Variants in TBL1XR1 observed in about 807,000 individuals in gnomAD.
The protein encoded by TBL1XR1 is F-box-like/WD repeat-containing protein TBL1XR1.
A neutral mutation model predicts 66.9 loss-of-function variants in TBL1XR1; 5 were observed. The observed-to-expected ratio is 0.07, with a 90% CI of 0.04 to 0.16. The LOEUF (loss-of-function observed/expected upper bound fraction) is 0.16, where lower values mean the gene tolerates loss of function less well. Among genes scored for constraint, TBL1XR1 ranks in the 10% least tolerant of loss-of-function variants. The pLI is 1.00. For synonymous variants in TBL1XR1, 210 were observed against 206.0 expected (o/e 1.02, Z -0.17); for missense variants, 238 against 623.2 (o/e 0.38, Z 6.58).
rs553273687 is a variant in TBL1XR1 at position 177,118,393 on chromosome 3, C to T, written c.-121-19852G>A. On this transcript the variant is annotated intron_variant, in intron 1 of 15. Transcript: ENST00000457928. ...TGACTCAAAATGACCTAATGAGGCC[C>T]TTTTCTCATCAAAGCTAAAAGTGTG... 2.0e-5 allele frequency among the ~76,000 whole-genome samples: 3 copies of T among 152,220 alleles called. No individual in the cohort carries two copies. The East Asian group carries it at 5.8e-4, about 29-fold the overall frequency.
chr3:177,111,101 CAGG>C (rs917356553), intron 1 of TBL1XR1, among the ~76,000 whole-genome samples: 5 of 151,978 alleles, frequency 3.3e-5, no homozygotes, highest in Non-Finnish European at 7.4e-5. Flanking sequence ...AGGCACACAA[CAGG>C]AGGACATGCA....
intron 1 of TBL1XR1, among the ~76,000 whole-genome samples, chr3:177,152,119 T>G (rs965750084): frequency 6.6e-6 from 1 of 152,230 alleles, no homozygotes; most frequent in African/African-American, 2.4e-5. Flanking sequence ...TAACTATGAT[T>G]ATAGCAAATT....
chr3:177,026,260 ATC>A, intron 15 of TBL1XR1, 111 bp downstream of exon 15: 1 of 848,378 alleles, frequency 1.2e-6, no homozygotes, highest in Middle Eastern at 2.7e-4. Context: ...AAAAATCAGT[ATC>A]ATACCTTAAA....
At position 177,190,133 on chromosome 3, in the gene TBL1XR1, CAAAAAA is replaced by C. The variant is rs548783302; in HGVS notation, c.-122+6982_-122+6987del. On this transcript the variant is annotated intron_variant, in intron 1 of 15. Transcript: ENST00000457928. Reference sequence around the variant, plus strand: ...GGGCAACAAGAGTGAAACTCCATCTCAAAAAAAAAAAAAAAAAAAAAAAAAAAAAGA... The same window carrying C: ...GGGCAACAAGAGTGAAACTCCATCTCAAAAAAAAAAAAAAAAAAAAAAAGA... 7.2e-5 allele frequency among the ~76,000 whole-genome samples: 5 copies of C among 69,394 alleles called. No homozygotes were observed. The East Asian group carries it at 1.9e-3, about 26-fold the overall frequency. The allele number at this position is 69,394 out of a possible 152,430, so 45.5% of individuals were successfully genotyped here. A position where few individuals can be genotyped will look rare whatever the true frequency, so the allele number is the denominator to read the frequency against.
At chr3:177,034,735 T>A (rs538434703) in intron 12 of TBL1XR1, among the ~76,000 whole-genome samples, 1 of 149,898 alleles carries the variant, frequency 6.7e-6, no homozygotes, top group South Asian at 2.1e-4. Context: ...AACCAACTTA[T>A]AAATAATGAG....
At chr3:177,130,416 G>A (rs1338894408) in intron 1 of TBL1XR1, among the ~76,000 whole-genome samples, 3 of 152,056 alleles carry the variant, frequency 2.0e-5, no homozygotes, top group Non-Finnish European at 2.9e-5. Flanking sequence ...TTCAGATATC[G>A]ATTTGGGAAT....
intron 1 of TBL1XR1, among the ~76,000 whole-genome samples, chr3:177,187,691 C>G (rs1157230653): frequency 6.6e-6 from 1 of 152,040 alleles, no homozygotes; most frequent in Non-Finnish European, 1.5e-5. Context: ...CTGAATGTCT[C>G]TTTACAATGT....
intron 1 of TBL1XR1, among the ~76,000 whole-genome samples, chr3:177,101,917 C>G (rs923273115): frequency 6.6e-6 from 1 of 151,988 alleles, no homozygotes; most frequent in Non-Finnish European, 1.5e-5. Flanking sequence ...ATACTAGAAC[C>G]AAATGAGGGT....
At chr3:177,199,892 G>A (rs1737307683), upstream of TBL1XR1, among the ~76,000 whole-genome samples, 1 of 152,160 alleles carries the variant, frequency 6.6e-6, no homozygotes, top group Non-Finnish European at 1.5e-5. Context: ...CGAGGCTGGG[G>A]ACTTACAAAT....
Position 177,024,969 on chromosome 3 carries a change from G to A in TBL1XR1, c.*529C>T, listed in dbSNP as rs1321601680. 6.5e-6 allele frequency: 1 copy of A among 152,912 alleles called. No homozygotes were observed. Among genetic ancestry groups the A allele is most frequent in the Non-Finnish European group, 1.5e-5 (1 of 68,352 alleles). The allele number at this position is 152,912 out of a possible 1,614,324, so 9.5% of individuals were successfully genotyped here. On this transcript the variant is annotated 3_prime_UTR_variant, in exon 16 of 16. Coordinates refer to ENST00000457928, the MANE Select transcript of TBL1XR1 (RefSeq NM_024665.7). ...TAAAAGGTGAAAAAAATATAAACAA[G>A]AAACTGATTCACTCCCTTACTTCAT...
Position 177,082,741 on chromosome 3 carries a change from TATATATATATA to T in TBL1XR1, c.-46+15714_-46+15724del, listed in dbSNP as rs1560153935. Reference sequence around the variant, plus strand: ...TACTAAATTTCTAAGATAGAGATTATATATATATATATATATATATATATATGAATATGAGA... The same window carrying T: ...TACTAAATTTCTAAGATAGAGATTATTATATATATATATATGAATATGAGA... On this transcript the variant is annotated intron_variant, in intron 2 of 15. Transcript: ENST00000457928. 2.0e-4 allele frequency among the ~76,000 whole-genome samples: 16 copies of T among 79,512 alleles called. 3 individuals are homozygous for T. The highest frequency in any genetic ancestry group is 6.1e-4 in the Admixed American group (4 of 6,592). 52.2% of individuals were successfully genotyped at this position (79,512 alleles called of 152,430 possible).
intron 2 of TBL1XR1, among the ~76,000 whole-genome samples, chr3:177,080,518 T>A (rs1721263924): frequency 6.6e-6 from 1 of 152,190 alleles, no homozygotes; most frequent in Admixed American, 6.5e-5. Flanking sequence ...TGTGATATCC[T>A]TCTGTGTTAA....
At chr3:177,179,286 ACTTTG>A (rs2108960931) in intron 1 of TBL1XR1, among the ~76,000 whole-genome samples, 1 of 152,306 alleles carries the variant, frequency 6.6e-6, no homozygotes, top group African/African-American at 2.4e-5. Context: ...CTCTTAGTGT[ACTTTG>A]AGCTCGACTA....
chr3:177,115,021 T>C (rs1292027879), intron 1 of TBL1XR1, among the ~76,000 whole-genome samples: 3 of 151,950 alleles, frequency 2.0e-5, no homozygotes, highest in African/African-American at 7.2e-5. Flanking sequence ...TGATTTTTAA[T>C]TAAAGTATCA....
At chr3:177,147,625 A>G (rs1730412781) in intron 1 of TBL1XR1, among the ~76,000 whole-genome samples, 1 of 152,228 alleles carries the variant, frequency 6.6e-6, no homozygotes, top group African/African-American at 2.4e-5. Context: ...GGAATCTAGC[A>G]AAAGAAATAG....
chr3:177,041,448 T>A (rs1715574232), intron 10 of TBL1XR1, among the ~76,000 whole-genome samples: 1 of 152,162 alleles, frequency 6.6e-6, no homozygotes. Flanking sequence ...CTCCCCCCCA[T>A]CCTGCTTCCC....
intron 1 of TBL1XR1, among the ~76,000 whole-genome samples, chr3:177,157,926 T>C (rs576067526): frequency 1.3e-5 from 2 of 152,322 alleles, no homozygotes; most frequent in South Asian, 4.1e-4. Flanking sequence ...TTTTATCATA[T>C]GTAAAGTACA....
intron 1 of TBL1XR1, among the ~76,000 whole-genome samples, chr3:177,108,925 G>A (rs565827059): frequency 6.6e-6 from 1 of 152,136 alleles, no homozygotes; most frequent in Non-Finnish European, 1.5e-5. Flanking sequence ...AAGCAGCGAT[G>A]AGAAGAAATG....
At chr3:177,063,402 C>T (rs1718762914) in intron 3 of TBL1XR1, among the ~76,000 whole-genome samples, 1 of 152,138 alleles carries the variant, frequency 6.6e-6, no homozygotes, top group South Asian at 2.1e-4. Context: ...ACCAACAAGC[C>T]TTTACAATAT....
Sources: gnomAD v4.1 joint callset for allele counts (sites outside exome capture counted in the v4.1 genomes callset) on GRCh38, gnomAD v4.1.1 for gene constraint, MANE v1.5 for transcripts, NCBI Gene and HGNC (gene_info 2026-07-23, HGNC 2026-07-21) for gene names.